Variants in PRG4 observed in about 807,000 individuals in gnomAD.
The protein encoded by PRG4 is proteoglycan 4.
PRG4 carries 61 observed loss-of-function variants against 91.2 expected under a neutral mutation model. The observed-to-expected ratio is 0.67, with a 90% CI of 0.54 to 0.83. PRG4 has a LOEUF of 0.83. Ranked by LOEUF, PRG4 falls within the 40% of genes least tolerant of loss-of-function variation. The probability of loss-of-function intolerance (pLI) is 0.00; values close to 1 mark genes in which losing one functional copy is unlikely to be tolerated. For synonymous variants in PRG4, 576 were observed against 614.2 expected (o/e 0.94, Z 0.92); for missense variants, 1,564 against 1,714.2 (o/e 0.91, Z 1.55).
chr1:186,306,637 C>T lies in PRG4; in HGVS notation c.918C>T (p.Ser306=), dbSNP rs566456042. 6.2e-6 allele frequency: 10 copies of T among 1,613,484 alleles called. No individual in the cohort carries two copies. Among genetic ancestry groups the T allele is most frequent in the East Asian group, 4.5e-5 (2 of 44,880 alleles). The change falls in exon 7 of 13, where the codon TCC becomes TCT. Residue 306 remains serine, a synonymous_variant. Transcript: ENST00000445192. ...CTGATGGAAAAGAGAAGACTACTTCCGCTAAAGAGACACAAAGTATAGAGA... is the reference window on the plus strand; with the variant it reads ...CTGATGGAAAAGAGAAGACTACTTCTGCTAAAGAGACACAAAGTATAGAGA... ...TSTDGKEKTT[S]AKETQSIEKT...
rs140318596 is a variant in PRG4 at position 186,306,757 on chromosome 1, T to G, written c.1038T>G (p.Thr346=). 7.1e-4 allele frequency: 1,139 copies of G among 1,612,426 alleles called. 1 individual carries two copies. Among genetic ancestry groups the G allele is most frequent in the South Asian group, 1.0e-3 (94 of 91,044 alleles). ...ETTTKGPALT[T]PKEPTPTTPK... Reference sequence around the variant, plus strand: ...CAACCAAAGGCCCTGCTCTCACCACTCCCAAGGAGCCCACGCCCACCACTC... The same window carrying G: ...CAACCAAAGGCCCTGCTCTCACCACGCCCAAGGAGCCCACGCCCACCACTC... Residue 346 remains threonine, a synonymous_variant, in exon 7 of 13, where the codon ACT becomes ACG. Coordinates refer to ENST00000445192, the MANE Select transcript of PRG4 (RefSeq NM_005807.6).
chr1:186,297,272 TAAAA>T (rs1320707866), intron 2 of PRG4, among the ~76,000 whole-genome samples: 1 of 152,144 alleles, frequency 6.6e-6, no homozygotes, highest in Non-Finnish European at 1.5e-5. Context: ...TAAAAATAAC[TAAAA>T]AAGAACAATA....
Position 186,308,436 on chromosome 1 carries a change from C to A in PRG4, c.2717C>A (p.Ala906Glu), listed in dbSNP as rs78889600. 1 of 1,613,878 alleles carries A rather than the reference C, an allele frequency of 6.2e-7. No homozygotes were observed. The highest frequency in any genetic ancestry group is 2.2e-5 in the East Asian group (1 of 44,870). ...PGVPTTKTPAATKPEMTTTAK... is the reference protein window; with the variant it reads ...PGVPTTKTPAETKPEMTTTAK... ...GTACCTACAACTAAGACTCCTGCAG[C>A]GACTAAACCTGAAATGACTACAACA... The change falls in exon 7 of 13, where the codon GCG becomes GAG. Residue 906 changes from alanine to glutamate, a missense_variant. Transcript: ENST00000445192.
Position 186,306,774 on chromosome 1 carries a change from C to G in PRG4, c.1055C>G (p.Pro352Arg). Residue 352 changes from proline to arginine, a missense_variant, in exon 7 of 13, where the codon CCC (proline) becomes CGC (arginine). Coordinates refer to ENST00000445192, the MANE Select transcript of PRG4 (RefSeq NM_005807.6). ...PALTTPKEPT[P>R]TTPKEPASTT... is the part of the protein sequence containing the mutation. ...CTCACCACTCCCAAGGAGCCCACGC[C>G]CACCACTCCCAAGGAGCCTGCATCT... 1 of 1,613,220 alleles carries G rather than the reference C, an allele frequency of 6.2e-7. No individual in the cohort carries two copies. Among genetic ancestry groups the G allele is most frequent in the Non-Finnish European group, 8.5e-7 (1 of 1,179,590 alleles).
rs186903653 is a variant in PRG4, at chr1:186,311,410, A to G, written c.3637-30A>G. On this transcript the variant is annotated intron_variant, in intron 9 of 12. Coordinates refer to ENST00000445192, the MANE Select transcript of PRG4 (RefSeq NM_005807.6). ...TTCCAAATCTTTTTTCCCAAAGCTG[A>G]TAACATAATTTTCTCTTTTAAATTA... 2.0e-5 allele frequency: 32 copies of G among 1,602,824 alleles called. No individual in the cohort carries two copies. In the Admixed American group the frequency reaches 2.0e-4, roughly 10 times the overall value.
At position 186,308,061 on chromosome 1, in the gene PRG4, C is replaced by G. The variant is rs1295349342; in HGVS notation, c.2342C>G (p.Thr781Ser). The G allele has an allele frequency of 6.2e-7, 1 of 1,611,060 alleles. No homozygotes were observed. Among genetic ancestry groups the G allele is most frequent in the South Asian group, 1.1e-5 (1 of 91,018 alleles). The stretch of plus-strand genomic sequence containing the variant: ...CCTGCTCCAACTACCCCTAAGGGGA[C>G]TGCTCCAACTACCCTCAAGGAACCT... ...KEPAPTTPKG[T>S]APTTLKEPAP... Residue 781 changes from threonine (T) to serine (S), a missense_variant, in exon 7 of 13, where the codon ACT becomes AGT. Thr to Ser is a moderately conservative substitution (Grantham distance 58). Transcript: ENST00000445192.
At chr1:186,311,290 T>TAATC (rs1462375431) in intron 9 of PRG4, 120 bp downstream of exon 9, 2 of 1,425,372 alleles carry the variant, frequency 1.4e-6, no homozygotes, top group Non-Finnish European at 2.0e-6. Flanking sequence ...CATCAAAATT[T>TAATC]AATCATAATT....
chr1:186,312,575 G>A, intron 11 of PRG4, 194 bp from the exon 12 acceptor site: 2 of 774,468 alleles, frequency 2.6e-6, no homozygotes, highest in Non-Finnish European at 4.1e-6. Flanking sequence ...AAAGCAGTTT[G>A]TTCAGGTTTG....
rs747231308 is a variant in PRG4, at chr1:186,308,937, T to G, written c.3218T>G (p.Leu1073Arg). 3 of 1,610,940 alleles carry G rather than the reference T, an allele frequency of 1.9e-6. No individual in the cohort carries two copies. The highest frequency in any genetic ancestry group is 2.5e-6 in the Non-Finnish European group (3 of 1,178,892). Residue 1073 changes from leucine to arginine, a missense_variant, in exon 7 of 13, where the codon CTC (leucine) becomes CGC (arginine). By Grantham distance (102) the Leu-to-Arg change is moderately radical (BLOSUM62 -2). Transcript: ENST00000445192. ...ACCTCAAGAATAGCAGAAGCCATGC[T>G]CCAAACCACCACCAGACCTAACCAA... ...NPTSRIAEAM[L>R]QTTTRPNQTP...
chr1:186,307,677 C>T lies in PRG4; in HGVS notation c.1958C>T (p.Pro653Leu). 1 of 1,608,400 alleles carries T rather than the reference C, an allele frequency of 6.2e-7. No homozygotes were observed. ...TTPEELAPTTPEEPTPTTPEE... is the reference protein window; with the variant it reads ...TTPEELAPTTLEEPTPTTPEE... ...CCTGAGGAGCTCGCACCCACCACCC[C>T]TGAGGAGCCCACACCCACCACCCCT... Residue 653 changes from proline (P) to leucine (L), a missense_variant, in exon 7 of 13, where the codon CCT becomes CTT. Physicochemically the swap from Pro to Leu is moderately conservative, Grantham distance 98 (BLOSUM62 -3). Coordinates refer to ENST00000445192, the MANE Select transcript of PRG4 (RefSeq NM_005807.6).
intron 3 of PRG4, 86 bp from the exon 4 acceptor site, chr1:186,301,506 C>CAT: frequency 6.3e-7 from 1 of 1,580,578 alleles, no homozygotes; most frequent in Non-Finnish European, 8.7e-7. Flanking sequence ...GAAACCTAGT[C>CAT]AAGTCTAAGG....
intron 8 of PRG4, among the ~76,000 whole-genome samples, chr1:186,310,688 G>A (rs1390589339): frequency 7.3e-6 from 1 of 137,832 alleles, no homozygotes; most frequent in Non-Finnish European, 1.5e-5. Context: ...TTTTTGTAGA[G>A]ACAGGGTTTT....
At chr1:186,302,136 T>C (rs77583019) in intron 4 of PRG4, among the ~76,000 whole-genome samples, 28,912 of 152,152 alleles carry the variant, frequency 0.19, 3,073 homozygotes, top group African/African-American at 0.28. Flanking sequence ...TTTAAGGACA[T>C]AAGCAACACT....
rs764012821 is a variant in PRG4 at position 186,306,871 on chromosome 1, C to A, written c.1152C>A (p.Thr384=). 1 of 1,608,296 alleles carries A rather than the reference C, an allele frequency of 6.2e-7. No individual in the cohort carries two copies. The highest frequency in any genetic ancestry group is 2.2e-5 in the East Asian group (1 of 44,476). The change falls in exon 7 of 13, where the codon ACC becomes ACA. Residue 384 remains threonine, a synonymous_variant. Coordinates refer to ENST00000445192, the MANE Select transcript of PRG4 (RefSeq NM_005807.6). ...CCACCCCCAAGGAGCCTGCACCCAC[C>A]ACCACCAAGTCTGCACCCACCACTC... The part of the protein sequence containing the change: ...APTTPKEPAP[T]TTKSAPTTPK...
chr1:186,296,815 C>A, intron 1 of PRG4, 31 bp from the exon 2 acceptor site: 1 of 1,219,450 alleles, frequency 8.2e-7, no homozygotes, highest in Non-Finnish European at 1.2e-6. Flanking sequence ...GATGAAAGAG[C>A]TGTTTTCTGA....
chr1:186,299,685 C>T (rs1442662669), intron 2 of PRG4, among the ~76,000 whole-genome samples: 1 of 152,104 alleles, frequency 6.6e-6, no homozygotes, highest in Non-Finnish European at 1.5e-5. Flanking sequence ...AAAAGGGCTA[C>T]TAAATCCTGG....
At position 186,308,352 on chromosome 1, in the gene PRG4, C is replaced by T. The variant is rs774464069; in HGVS notation, c.2633C>T (p.Pro878Leu). 10 of 1,613,874 alleles carry T rather than the reference C, an allele frequency of 6.2e-6. No individual in the cohort carries two copies. The highest frequency in any genetic ancestry group is 5.0e-5 in the Admixed American group (3 of 60,004). The change falls in exon 7 of 13, where the codon CCT becomes CTT. Residue 878 changes from proline (P) to leucine (L), a missense_variant. Pro to Leu is a moderately conservative substitution (Grantham distance 98, BLOSUM62 -3). Coordinates refer to ENST00000445192, the MANE Select transcript of PRG4 (RefSeq NM_005807.6). ...CACAAAAGCCCTGATGAATCAACTCCTGAGCTTTCTGCAGAACCCACACCA... is the reference window on the plus strand; with the variant it reads ...CACAAAAGCCCTGATGAATCAACTCTTGAGCTTTCTGCAGAACCCACACCA... ...TIHKSPDEST[P>L]ELSAEPTPKA... is the part of the protein sequence containing the mutation.
At chr1:186,311,634 A>AT (rs1657246742) in intron 10 of PRG4, 38 bp downstream of exon 10, 1 of 1,576,538 alleles carries the variant, frequency 6.3e-7, no homozygotes, top group Non-Finnish European at 8.7e-7. Context: ...CAAAACTTTT[A>AT]AAGAATTACA....
chr1:186,312,650 C>A (rs1657353109), intron 11 of PRG4, 119 bp from the exon 12 acceptor site: 2 of 1,103,068 alleles, frequency 1.8e-6, no homozygotes, highest in East Asian at 2.4e-5. Context: ...CAGTCTATAA[C>A]CCTCAATAGT....
Sources: gnomAD v4.1 joint callset for allele counts (sites outside exome capture counted in the v4.1 genomes callset) on GRCh38, gnomAD v4.1.1 for gene constraint, MANE v1.5 for transcripts, NCBI Gene and HGNC (gene_info 2026-07-23, HGNC 2026-07-21) for gene names.